SHANK2: variants seen among roughly 807,000 people sequenced by gnomAD.
The protein encoded by SHANK2 is SH3 and multiple ankyrin repeat domains protein 2.
SHANK2 carries 43 observed loss-of-function variants against 133.7 expected under a neutral mutation model. The observed-to-expected ratio is 0.32, with a 90% CI of 0.25 to 0.41. The LOEUF is 0.41. Among genes scored for constraint, SHANK2 ranks in the 10% least tolerant of loss-of-function variants. The pLI, the probability that SHANK2 is intolerant of heterozygous loss-of-function variation, is 1.00. For missense variants in SHANK2, 1,994 were observed against 2,235.8 expected, an observed-to-expected ratio of 0.89 and a Z score of 2.18; for synonymous variants, 1,017 against 952.8, an observed-to-expected ratio of 1.07 and a Z score of -1.24.
At position 71,175,673 on chromosome 11, in the gene SHANK2, C is replaced by T. The variant is rs1229748013; in HGVS notation, c.-12-28335G>A. ...CTGGATTTAGCGTCCTACCTGAAAC[C>T]ACCCAAAATATATCCAAACCACCAA... On this transcript the variant is annotated intron_variant, in intron 2 of 25. Transcript: ENST00000601538. The surrounding 1 kb of genome is among the most constrained non-coding windows in gnomAD (Gnocchi z 4.2). 2.0e-5 allele frequency among the ~76,000 whole-genome samples: 3 copies of T among 151,438 alleles called. No individual in the cohort carries two copies. The highest frequency in any genetic ancestry group is 4.9e-5 in the African/African-American group (2 of 41,158).
At chr11:70,833,178 C>G (rs569268556) in intron 11 of SHANK2, among the ~76,000 whole-genome samples, 1 of 152,272 alleles carries the variant, frequency 6.6e-6, no homozygotes, top group Non-Finnish European at 1.5e-5. Flanking sequence ...GAGTGTGGCA[C>G]GGGGCTCCAG....
chr11:70,505,238 G>C (rs2059119470), intron 17 of SHANK2, among the ~76,000 whole-genome samples: 1 of 152,192 alleles, frequency 6.6e-6, no homozygotes, highest in African/African-American at 2.4e-5. Context: ...CAAGGCCTGA[G>C]AGCAGGGCCT....
At chr11:71,098,556 T>C (rs1214158081) in intron 6 of SHANK2, among the ~76,000 whole-genome samples, 5 of 152,106 alleles carry the variant, frequency 3.3e-5, no homozygotes, top group African/African-American at 1.2e-4. Context: ...ATATCACAGG[T>C]GTAGGAATCA....
At chr11:70,641,687 TGGA>T (rs2134158829) in intron 17 of SHANK2, among the ~76,000 whole-genome samples, 1 of 152,312 alleles carries the variant, frequency 6.6e-6, no homozygotes, top group South Asian at 2.1e-4. Flanking sequence ...TGAAGCTGCT[TGGA>T]GGAGAGCTGC....
intron 14 of SHANK2, among the ~76,000 whole-genome samples, chr11:70,710,055 G>A (rs1276130667): frequency 6.6e-6 from 1 of 152,150 alleles, no homozygotes; most frequent in East Asian, 1.9e-4. Flanking sequence ...GGCAGCAGAA[G>A]AGGTTTTCTA....
intron 11 of SHANK2, among the ~76,000 whole-genome samples, chr11:70,836,509 T>C (rs1948819922): frequency 6.6e-6 from 1 of 152,248 alleles, no homozygotes; most frequent in South Asian, 2.1e-4. Context: ...ACCCAAGGCC[T>C]GGACCTCTAC....
intron 2 of SHANK2, among the ~76,000 whole-genome samples, chr11:71,194,312 A>G (rs1171730352): frequency 1.3e-5 from 2 of 152,200 alleles, no homozygotes; most frequent in African/African-American, 4.8e-5. Flanking sequence ...TGTCATGAAG[A>G]GACCCCAGCA....
At chr11:70,561,234 G>T (rs2059905369) in intron 17 of SHANK2, among the ~76,000 whole-genome samples, 2 of 152,010 alleles carry the variant, frequency 1.3e-5, no homozygotes, top group Admixed American at 1.3e-4. Flanking sequence ...GCTCACTGCA[G>T]CCTCTACCTC....
At chr11:70,620,703 G>A (rs949015654) in intron 17 of SHANK2, among the ~76,000 whole-genome samples, 6 of 152,188 alleles carry the variant, frequency 3.9e-5, no homozygotes, top group African/African-American at 7.2e-5. Flanking sequence ...CGGGTTATAC[G>A]AGGTCATAAG....
rs1483241511 is a variant in SHANK2 at position 70,569,044 on chromosome 11, G to A, written c.2062-66113C>T. 6.6e-6 allele frequency among the ~76,000 whole-genome samples: 1 copy of A among 152,234 alleles called. No homozygotes were observed. The highest frequency in any genetic ancestry group is 1.9e-4 in the East Asian group (1 of 5,190). ...CCCTTTCCCCGTTTTCAGGCATGCAGCATGCAGGCCCCACTCCTGCCGCTG... is the reference window on the plus strand; with the variant it reads ...CCCTTTCCCCGTTTTCAGGCATGCAACATGCAGGCCCCACTCCTGCCGCTG... On this transcript the variant is annotated intron_variant, in intron 17 of 25. Coordinates refer to ENST00000601538, the MANE Select transcript of SHANK2 (RefSeq NM_012309.5). This position sits in a 1 kb window ranked among gnomAD's most constrained non-coding sequence, Gnocchi z 5.1.
chr11:71,224,091 G>A (rs1954601961), intron 2 of SHANK2, among the ~76,000 whole-genome samples: 1 of 152,248 alleles, frequency 6.6e-6, no homozygotes, highest in African/African-American at 2.4e-5. Flanking sequence ...TAACTGCTGA[G>A]AGCCTGTGTC....
chr11:70,927,540 C>T (rs1555081808), intron 10 of SHANK2, among the ~76,000 whole-genome samples: 2 of 151,980 alleles, frequency 1.3e-5, no homozygotes, highest in Non-Finnish European at 2.9e-5. Flanking sequence ...GCCATCTCCA[C>T]AAGCAGTGAG....
At chr11:70,754,482 T>C (rs782014286) in intron 14 of SHANK2, among the ~76,000 whole-genome samples, 1 of 152,154 alleles carries the variant, frequency 6.6e-6, no homozygotes, top group South Asian at 2.1e-4. Flanking sequence ...AGCCACCATA[T>C]AAACAAACTA....
At chr11:71,165,311 G>T (rs1953119514) in intron 2 of SHANK2, among the ~76,000 whole-genome samples, 1 of 152,168 alleles carries the variant, frequency 6.6e-6, no homozygotes, top group South Asian at 2.1e-4. Flanking sequence ...TGAGATTACA[G>T]GCATGAGCCA....
chr11:70,650,180 G>T (rs1208701895), intron 17 of SHANK2, among the ~76,000 whole-genome samples: 1 of 152,234 alleles, frequency 6.6e-6, no homozygotes, highest in Non-Finnish European at 1.5e-5. Flanking sequence ...GGTGAGGGGA[G>T]TGGGGCTCAA....
intron 15 of SHANK2, among the ~76,000 whole-genome samples, chr11:70,685,791 G>A (rs1555019376): frequency 6.6e-6 from 1 of 152,058 alleles, no homozygotes; most frequent in Non-Finnish European, 1.5e-5. Flanking sequence ...CCTTCTCACT[G>A]GGGCCATGCT....
intron 14 of SHANK2, among the ~76,000 whole-genome samples, chr11:70,737,554 G>A (rs1385221533): frequency 1.5e-4 from 23 of 152,168 alleles, no homozygotes; most frequent in Non-Finnish European, 2.9e-4. Flanking sequence ...CACCTCCATC[G>A]CATTGAGTCC....
intron 17 of SHANK2, among the ~76,000 whole-genome samples, chr11:70,622,443 G>A (rs1340638814): frequency 6.6e-6 from 1 of 151,928 alleles, no homozygotes; most frequent in African/African-American, 2.4e-5. Context: ...CTGGGCTTTT[G>A]TTACAAAGCA....
intron 10 of SHANK2, among the ~76,000 whole-genome samples, chr11:70,943,756 A>C (rs1950679236): frequency 6.6e-6 from 1 of 152,120 alleles, no homozygotes; most frequent in Non-Finnish European, 1.5e-5. Context: ...TACAGCAACA[A>C]TGTCCTGTCT....
Sources: gnomAD v4.1 joint callset for allele counts (sites outside exome capture counted in the v4.1 genomes callset) on GRCh38, gnomAD v4.1.1 for gene constraint, Gnocchi (gnomAD v3.1) non-coding constraint, MANE v1.5 for transcripts, NCBI Gene and HGNC (gene_info 2026-07-23, HGNC 2026-07-21) for gene names.